The following NCAPD3 variants were observed in gnomAD, a reference collection of about 807,000 sequenced individuals.
The protein encoded by NCAPD3 is condensin-2 complex subunit D3.
In NCAPD3, 105 loss-of-function variants were observed where a neutral mutation model predicts 182.9. The ratio of observed to expected loss-of-function variants is 0.57; its 90% CI spans 0.49 to 0.68. The LOEUF (loss-of-function observed/expected upper bound fraction) is 0.68, where lower values mean the gene tolerates loss of function less well. NCAPD3 is among the 30% of genes least tolerant of loss of function. The pLI is 0.00. For missense variants in NCAPD3, 1,944 were observed against 1,837.0 expected (o/e 1.06, Z -1.07); for synonymous variants, 815 against 679.9 (o/e 1.20, Z -3.09).
At chr11:134,225,242 C>T (rs1450910112), upstream of NCAPD3, 1 of 1,614,160 alleles carries the variant, frequency 6.2e-7, no homozygotes. Context: ...ATTTCCTCTT[C>T]TACGACGGGG....
intron 1 of NCAPD3, chr11:134,223,450 G>T (rs1185004728): frequency 1.4e-6 from 1 of 702,558 alleles, no homozygotes; most frequent in Non-Finnish European, 2.6e-6. Flanking sequence ...TGTGACGTTT[G>T]ATGATGTCTG....
intron 13 of NCAPD3, among the ~76,000 whole-genome samples, chr11:134,200,789 G>T (rs1944731132): frequency 6.6e-6 from 1 of 152,130 alleles, no homozygotes; most frequent in African/African-American, 2.4e-5. Context: ...ACTTACAGCA[G>T]CATTAGTCAC....
At position 134,217,416 on chromosome 11, in the gene NCAPD3, A is replaced by G. The variant is rs116042797; in HGVS notation, c.220-318T>C. 8.1e-3 allele frequency among the ~76,000 whole-genome samples: 1,231 copies of G among 152,278 alleles called. 14 individuals carry two copies. Among genetic ancestry groups the G allele is most frequent in the African/African-American group, 0.029 (1,193 of 41,526 alleles). The stretch of plus-strand genomic sequence containing the variant: ...ACTACACTAAGACTTTTGGGACACC[A>G]TATATTAGTGATTATTCAGGAAAGT... On this transcript the variant is annotated intron_variant, in intron 2 of 34. Transcript: ENST00000534548.
At chr11:134,165,085 G>A (rs979064124) in intron 27 of NCAPD3, among the ~76,000 whole-genome samples, 1 of 151,056 alleles carries the variant, frequency 6.6e-6, no homozygotes, top group African/African-American at 2.4e-5. Context: ...ACACTCACTT[G>A]TGAAATGAGC....
chr11:134,160,475 C>G (rs770420849), intron 28 of NCAPD3, among the ~76,000 whole-genome samples: 2 of 152,174 alleles, frequency 1.3e-5, no homozygotes, highest in Non-Finnish European at 2.9e-5. Context: ...GACACAGCCT[C>G]TGGAGCAAGT....
intron 27 of NCAPD3, among the ~76,000 whole-genome samples, chr11:134,166,754 C>A (rs1943822739): frequency 7.8e-6 from 1 of 127,498 alleles, no homozygotes; most frequent in African/African-American, 3.1e-5. Flanking sequence ...GGGGGAGGCG[C>A]ACACTCGTGA....
chr11:134,219,412 C>T (rs1183862296), intron 2 of NCAPD3, among the ~76,000 whole-genome samples: 1 of 152,184 alleles, frequency 6.6e-6, no homozygotes, highest in East Asian at 1.9e-4. Flanking sequence ...CCTACTTTGG[C>T]TAGTGTTCAA....
rs34393824 is a variant in NCAPD3 at position 134,192,780 on chromosome 11, G to C, written c.1954C>G (p.Arg652Gly). The C allele has an allele frequency of 5.0e-5, 81 of 1,614,166 alleles. No homozygotes were observed. The South Asian group carries it at 8.0e-4, about 16-fold the overall frequency. Reference sequence around the variant, plus strand: ...CCAGAGTGAAAATGACTGTGATGCCGGATGTTCTGCAGCAGCAGCTGGTCC... The same window carrying C: ...CCAGAGTGAAAATGACTGTGATGCCCGATGTTCTGCAGCAGCAGCTGGTCC... The part of the protein sequence containing the change: ...FLDQLLLQNI[R>G]HHSHFHSGDD... The change falls in exon 16 of 35, where the codon CGG (arginine) becomes GGG (glycine). Residue 652 changes from arginine to glycine, a missense_variant. By Grantham distance (125) the Arg-to-Gly change is moderately radical. This residue lies in a region of NCAPD3 where 1,803 missense variants were observed against 1,674.6 expected (regional missense o/e 1.08). Coordinates refer to ENST00000534548, the MANE Select transcript of NCAPD3 (RefSeq NM_015261.3).
At chr11:134,191,561 TAGA>T (rs1944524773) in intron 16 of NCAPD3, among the ~76,000 whole-genome samples, 1 of 152,228 alleles carries the variant, frequency 6.6e-6, no homozygotes. Context: ...TCAGGAGCTG[TAGA>T]AGGCCTCTCC....
intron 15 of NCAPD3, among the ~76,000 whole-genome samples, chr11:134,193,195 A>C (rs776614882): frequency 6.6e-6 from 1 of 152,226 alleles, no homozygotes; most frequent in African/African-American, 2.4e-5. Flanking sequence ...TAAATATCCC[A>C]AAGAGCAATT....
intron 24 of NCAPD3, among the ~76,000 whole-genome samples, chr11:134,169,316 G>A (rs986767013): frequency 1.1e-4 from 16 of 152,158 alleles, no homozygotes; most frequent in Non-Finnish European, 2.1e-4. Flanking sequence ...ACAAGGTGTT[G>A]TCATCCAGCT....
At chr11:134,172,329 G>A (rs1470365929) in intron 24 of NCAPD3, among the ~76,000 whole-genome samples, 2 of 152,294 alleles carry the variant, frequency 1.3e-5, no homozygotes, top group South Asian at 2.1e-4. Flanking sequence ...AATGTCACCA[G>A]TGCAGCCACG....
rs905468369 is a variant in NCAPD3, at chr11:134,185,613, C to T, written c.2046-87G>A. On this transcript the variant is annotated intron_variant, in intron 16 of 34. Coordinates refer to ENST00000534548, the MANE Select transcript of NCAPD3 (RefSeq NM_015261.3). ...GGGAGCCTCACTGAAAGGGTATCAACTTCTGCTGCTCCAGGACTCAAGTGG... is the reference window on the plus strand; with the variant it reads ...GGGAGCCTCACTGAAAGGGTATCAATTTCTGCTGCTCCAGGACTCAAGTGG... 12 of 1,114,454 alleles carry T rather than the reference C, an allele frequency of 1.1e-5. No homozygotes were observed. The South Asian group carries it at 1.7e-4, about 16-fold the overall frequency. 69.0% of individuals were successfully genotyped at this position (1,114,454 alleles called of 1,614,324 possible).
chr11:134,184,776 G>GA, intron 18 of NCAPD3, 24 bp from the exon 19 acceptor site: 1 of 1,558,274 alleles, frequency 6.4e-7, no homozygotes, highest in Non-Finnish European at 8.8e-7. Context: ...CAAAACCCCT[G>GA]AAGTTCAACT....
chr11:134,172,256 T>G (rs1001776522), intron 24 of NCAPD3, among the ~76,000 whole-genome samples: 6 of 152,224 alleles, frequency 3.9e-5, no homozygotes, highest in Non-Finnish European at 7.3e-5. Flanking sequence ...GATGAGCTAC[T>G]GAATGCCCTA....
At chr11:134,176,471 G>T in intron 23 of NCAPD3, 85 bp from the exon 24 acceptor site, 2 of 1,146,602 alleles carry the variant, frequency 1.7e-6, no homozygotes, top group Non-Finnish European at 2.6e-6. Flanking sequence ...CCCACCACGC[G>T]GTCTGTCCCC....
At chr11:134,157,854 GAAT>G in intron 31 of NCAPD3, 71 bp downstream of exon 31, 1 of 1,455,720 alleles carries the variant, frequency 6.9e-7, no homozygotes, top group South Asian at 1.4e-5. Flanking sequence ...GCTTTGAAAG[GAAT>G]AAGAAGTAGC....
At position 134,185,454 on chromosome 11, in the gene NCAPD3, T is replaced by C. The variant is rs1448907757; in HGVS notation, c.2118A>G (p.Val706=). 3 of 1,613,874 alleles carry C rather than the reference T, an allele frequency of 1.9e-6. No individual in the cohort carries two copies. The highest frequency in any genetic ancestry group is 1.3e-5 in the African/African-American group (1 of 75,042). The change falls in exon 17 of 35, where the codon GTA becomes GTG. Residue 706 remains valine, a synonymous_variant. Transcript: ENST00000534548. The part of the protein sequence containing the change: ...EKFSPTFINN[V]ISHTGTEHSA... ...AATGTTCCGTGCCAGTGTGAGATATTACATTGTTTATAAAAGTGGGTGAGA... is the reference window on the plus strand; with the variant it reads ...AATGTTCCGTGCCAGTGTGAGATATCACATTGTTTATAAAAGTGGGTGAGA...
intron 29 of NCAPD3, among the ~76,000 whole-genome samples, chr11:134,159,237 C>A (rs894660783): frequency 5.3e-5 from 8 of 152,234 alleles, no homozygotes; most frequent in Admixed American, 5.2e-4. Context: ...AACCTCTATA[C>A]TGTTCTCCAT....
Sources: allele counts gnomAD v4.1 joint callset (sites outside exome capture counted in the v4.1 genomes callset), GRCh38; gene constraint gnomAD v4.1.1; regional missense constraint gnomAD v4.1.1; transcripts MANE v1.5; gene names NCBI Gene and HGNC (gene_info 2026-07-23, HGNC 2026-07-21).